The following HEPACAM variants were observed in gnomAD, a reference collection of about 807,000 sequenced individuals.
HEPACAM encodes the protein hepatic and glial cell adhesion molecule, also known as hepatocyte cell adhesion molecule.
HEPACAM carries 18 observed loss-of-function variants against 38.3 expected under a neutral mutation model. The ratio of observed to expected loss-of-function variants is 0.47; its 90% CI spans 0.33 to 0.70. The LOEUF (loss-of-function observed/expected upper bound fraction) is 0.70, where lower values mean the gene tolerates loss of function less well. Among genes scored for constraint, HEPACAM ranks in the 30% least tolerant of loss-of-function variants. The pLI, the probability that HEPACAM is intolerant of heterozygous loss-of-function variation, is 0.03. For missense variants in HEPACAM, 466 were observed against 563.0 expected (o/e 0.83, Z 1.74); for synonymous variants, 216 against 243.1 (o/e 0.89, Z 1.04).
rs778985866 is a variant in HEPACAM, at chr11:124,919,974, T to C, written c.*1164A>G. ...AATAGGCGGTGGCATGGGCATGTCC[T>C]GGCTACACAGCGGCCCAGCCTCTTT... is the stretch of plus-strand genomic sequence containing the variant. On this transcript the variant is annotated 3_prime_UTR_variant, in exon 7 of 7. Transcript: ENST00000298251. 3.1e-6 allele frequency: 5 copies of C among 1,613,688 alleles called. No homozygotes were observed. In the South Asian group the frequency reaches 5.5e-5, roughly 18 times the overall value.
chr11:124,933,453 G>A (rs1158582312), intron 1 of HEPACAM, among the ~76,000 whole-genome samples: 2 of 152,132 alleles, frequency 1.3e-5, no homozygotes, highest in Non-Finnish European at 2.9e-5. Flanking sequence ...TTACAAGCAT[G>A]AGCCACCGCT....
chr11:124,920,991 C>T lies in HEPACAM; in HGVS notation c.*147G>A. ...GCGCACCCGCCTCCGTCTGCGCATG[C>T]TCATACACGTTCACACCCGAGACAC... On this transcript the variant is annotated 3_prime_UTR_variant, in exon 7 of 7. Transcript: ENST00000298251. The T allele has an allele frequency of 7.2e-7, 1 of 1,385,800 alleles. No individual in the cohort carries two copies. The highest frequency in any genetic ancestry group is 1.6e-5 in the South Asian group (1 of 62,218). The allele number at this position is 1,385,800 out of a possible 1,614,324, so 85.8% of individuals were successfully genotyped here.
In HEPACAM at chr11:124,931,327, C is replaced by A. The variant is rs150647872; in HGVS notation, c.85+4595G>T. ...GGCTCAAGAGATTCTCTTGTCTCAA[C>A]CTCCCAAGTAGCTGGGACTACAGGA... is the stretch of plus-strand genomic sequence containing the variant. On this transcript the variant is annotated intron_variant, in intron 1 of 6. Transcript: ENST00000298251. 6.7e-3 allele frequency among the ~76,000 whole-genome samples: 1,017 copies of A among 152,200 alleles called. 16 individuals are homozygous for A. Among genetic ancestry groups the A allele is most frequent in the African/African-American group, 0.024 (981 of 41,528 alleles).
At chr11:124,927,531 T>G (rs1414485356) in intron 1 of HEPACAM, among the ~76,000 whole-genome samples, 4 of 144,922 alleles carry the variant, frequency 2.8e-5, no homozygotes, top group Non-Finnish European at 4.5e-5. Flanking sequence ...TTGTTTTTTT[T>G]TTTTTGTATT....
At chr11:124,933,962 T>C (rs1180036809) in intron 1 of HEPACAM, among the ~76,000 whole-genome samples, 5 of 152,180 alleles carry the variant, frequency 3.3e-5, no homozygotes, top group African/African-American at 1.2e-4. Context: ...TGATGTTTCA[T>C]TTTCATCCCA....
chr11:124,928,201 C>T (rs868774802), intron 1 of HEPACAM, among the ~76,000 whole-genome samples: 4 of 152,180 alleles, frequency 2.6e-5, no homozygotes, highest in Non-Finnish European at 4.4e-5. Flanking sequence ...ACTGGCTCTG[C>T]GCATCAGACT....
chr11:124,931,727 A>G (rs1591553136), intron 1 of HEPACAM, among the ~76,000 whole-genome samples: 1 of 152,224 alleles, frequency 6.6e-6, no homozygotes, highest in Admixed American at 6.5e-5. Context: ...TGTATCCCCA[A>G]AAGAAATGCC....
At position 124,924,685 on chromosome 11, in the gene HEPACAM, C is replaced by G. The variant is rs781722001; in HGVS notation, c.427+43G>C. The G allele has an allele frequency of 1.1e-5, 17 of 1,552,002 alleles. No homozygotes were observed. Among genetic ancestry groups the G allele is most frequent in the Non-Finnish European group, 1.5e-5 (17 of 1,123,786 alleles). On this transcript the variant is annotated intron_variant, in intron 2 of 6. Transcript: ENST00000298251. This position sits in a 1 kb window ranked among gnomAD's most constrained non-coding sequence, Gnocchi z 4.4. ...TGCGCTGGGCAGACCTTTCCCTAGTCCCACCTGCCAGTCTTGCCTCTTTCC... is the reference window on the plus strand; with the variant it reads ...TGCGCTGGGCAGACCTTTCCCTAGTGCCACCTGCCAGTCTTGCCTCTTTCC...
chr11:124,919,451 A>C lies in HEPACAM; in HGVS notation c.*1687T>G. 4.9e-6 allele frequency: 2 copies of C among 406,992 alleles called. No homozygotes were observed. The highest frequency in any genetic ancestry group is 8.0e-5 in the South Asian group (2 of 25,126). The allele number at this position is 406,992 out of a possible 1,614,324, so 25.2% of individuals were successfully genotyped here. On this transcript the variant is annotated 3_prime_UTR_variant, in exon 7 of 7. Transcript: ENST00000298251. Reference sequence around the variant, plus strand: ...CAGCACCAGGGTATGGCATGTTCTCATCTCACCCTAACCTTCACCTGTGCA... The same window carrying C: ...CAGCACCAGGGTATGGCATGTTCTCCTCTCACCCTAACCTTCACCTGTGCA...
chr11:124,922,208 C>T (rs556071416), intron 6 of HEPACAM, among the ~76,000 whole-genome samples, 180 bp downstream of exon 6: 225 of 152,308 alleles, frequency 1.5e-3, no homozygotes, highest in African/African-American at 5.1e-3. Flanking sequence ...ACAGTTTCAT[C>T]CTGAAACCAC....
Position 124,924,596 on chromosome 11 carries a change from G to A in HEPACAM, c.427+132C>T. ...CTGTGCCTGTCTGCCAACTTCTAAT[G>A]TCCACTTGCCTCATTCTCAGCTCCC... On this transcript the variant is annotated intron_variant, in intron 2 of 6. Transcript: ENST00000298251. The surrounding 1 kb of genome is among the most constrained non-coding windows in gnomAD (Gnocchi z 4.4). 1 of 817,700 alleles carries A rather than the reference G, an allele frequency of 1.2e-6. No homozygotes were observed. The allele number at this position is 817,700 out of a possible 1,614,324, so 50.7% of individuals were successfully genotyped here.
At chr11:124,934,518 C>G (rs1947319612) in intron 1 of HEPACAM, among the ~76,000 whole-genome samples, 1 of 150,992 alleles carries the variant, frequency 6.6e-6, no homozygotes, top group South Asian at 2.1e-4. Flanking sequence ...CATAGACATG[C>G]AAACACGGGG....
rs35466065 is a variant in HEPACAM, at chr11:124,924,897, C to G, written c.258G>C (p.Glu86Asp). Residue 86 changes from glutamate to aspartate, a missense_variant, in exon 2 of 7, where the codon GAG becomes GAC. Physicochemically the swap from Glu to Asp is conservative, Grantham distance 45. Coordinates refer to ENST00000298251, the MANE Select transcript of HEPACAM (RefSeq NM_152722.5). The surrounding 1 kb of genome is among the most constrained non-coding windows in gnomAD (Gnocchi z 4.4). ...PVTVVQSIGT[E>D]VIGTLRPDYR... ...AGTCAGGCCGCAGGGTGCCGATGAC[C>G]TCTGTGCCAATGGACTGCACCACGG... is the stretch of plus-strand genomic sequence containing the variant. 3.1e-6 allele frequency: 5 copies of G among 1,614,216 alleles called. No individual in the cohort carries two copies. In the South Asian group the frequency reaches 5.5e-5, roughly 18 times the overall value.
At position 124,921,477 on chromosome 11, in the gene HEPACAM, C is replaced by T; in HGVS notation, c.949-37G>A. On this transcript the variant is annotated intron_variant, in intron 6 of 6. Transcript: ENST00000298251. The surrounding 1 kb of genome is among the most constrained non-coding windows in gnomAD (Gnocchi z 4.6). Reference sequence around the variant, plus strand: ...CGCGCCGCAGGGGTCAGGGGACAGTCAGCCCAGCCTGGGAGCGCGCCTGGT... The same window carrying T: ...CGCGCCGCAGGGGTCAGGGGACAGTTAGCCCAGCCTGGGAGCGCGCCTGGT... 3.3e-6 allele frequency: 4 copies of T among 1,223,726 alleles called. No individual in the cohort carries two copies. Among genetic ancestry groups the T allele is most frequent in the Non-Finnish European group, 4.1e-6 (4 of 973,554 alleles). The allele number at this position is 1,223,726 out of a possible 1,614,324, so 75.8% of individuals were successfully genotyped here. A position where few individuals can be genotyped will look rare whatever the true frequency, so the allele number is the denominator to read the frequency against.
Position 124,921,816 on chromosome 11 carries a change from T to C in HEPACAM, c.949-376A>G, listed in dbSNP as rs1007790163. Among the ~76,000 whole-genome samples the C allele has an allele frequency of 6.6e-6, 1 of 152,208 alleles. No homozygotes were observed. Among genetic ancestry groups the C allele is most frequent in the African/African-American group, 2.4e-5 (1 of 41,446 alleles). ...TGCCACTCATTGACTTGTTTAATCC[T>C]GAGCAAGTCATTTAATCTCACAGCC... On this transcript the variant is annotated intron_variant, in intron 6 of 6. Transcript: ENST00000298251. The surrounding 1 kb of genome is among the most constrained non-coding windows in gnomAD (Gnocchi z 4.6).
rs1463939275 is a variant in HEPACAM, at chr11:124,920,515, C to T, written c.*623G>A. On this transcript the variant is annotated 3_prime_UTR_variant, in exon 7 of 7. Coordinates refer to ENST00000298251, the MANE Select transcript of HEPACAM (RefSeq NM_152722.5). Reference sequence around the variant, plus strand: ...GAATGTACTCGTACCCTTCCCTCACCACCTTGTAGGTCCCCAGGTACCAGG... The same window carrying T: ...GAATGTACTCGTACCCTTCCCTCACTACCTTGTAGGTCCCCAGGTACCAGG... 6 of 1,459,870 alleles carry T rather than the reference C, an allele frequency of 4.1e-6. No homozygotes were observed. The highest frequency in any genetic ancestry group is 3.6e-4 in the Middle Eastern group (2 of 5,568). The allele number at this position is 1,459,870 out of a possible 1,614,324, so 90.4% of individuals were successfully genotyped here.
chr11:124,927,676 C>G (rs746672986), intron 1 of HEPACAM, among the ~76,000 whole-genome samples: 4 of 152,040 alleles, frequency 2.6e-5, no homozygotes, highest in Non-Finnish European at 4.4e-5. Flanking sequence ...GGCCTTAGCT[C>G]TGACATTCTA....
chr11:124,928,381 C>A (rs1947244076), intron 1 of HEPACAM, among the ~76,000 whole-genome samples: 1 of 152,190 alleles, frequency 6.6e-6, no homozygotes, highest in South Asian at 2.1e-4. Flanking sequence ...CTGAAAAAGT[C>A]ATGAGCTTTA....
intron 1 of HEPACAM, among the ~76,000 whole-genome samples, chr11:124,925,596 G>A (rs1253426149): frequency 6.6e-6 from 1 of 152,186 alleles, no homozygotes; most frequent in African/African-American, 2.4e-5. Context: ...CGGGTCGTGA[G>A]ACAGTGCCAG....
Sources: allele counts gnomAD v4.1 joint callset (sites outside exome capture counted in the v4.1 genomes callset), GRCh38; gene constraint gnomAD v4.1.1; non-coding constraint Gnocchi (gnomAD v3.1); transcripts MANE v1.5; gene names NCBI Gene and HGNC (gene_info 2026-07-23, HGNC 2026-07-21).